The following ABCB5 variants were observed in gnomAD, a reference collection of about 807,000 sequenced individuals.
The protein encoded by ABCB5 is ATP binding cassette subfamily B member 5.
A neutral mutation model predicts 144.2 loss-of-function variants in ABCB5; 155 were observed. That is an observed-to-expected ratio of 1.08 (90% CI 0.94 to 1.23). The LOEUF is 1.23. Ranked by LOEUF, ABCB5 falls within the 50% of genes most tolerant of loss-of-function variation. The pLI, the probability that ABCB5 is intolerant of heterozygous loss-of-function variation, is 0.00. For synonymous variants in ABCB5, 610 were observed against 528.6 expected (o/e 1.15, Z -2.11); for missense variants, 1,830 against 1,520.8 (o/e 1.20, Z -3.38).
rs114616990 is a variant in ABCB5, at chr7:20,689,676, A to G, written c.2010+3840A>G. ...AAACTATGCAGGCAGAACAGAGGAG[A>G]AAAAAAACCATCCTGCAGGAGCTTT... On this transcript the variant is annotated intron_variant, in intron 16 of 27. Coordinates refer to ENST00000404938, the MANE Select transcript of ABCB5 (RefSeq NM_001163941.2). Among the ~76,000 whole-genome samples, 694 of 149,470 alleles carry G rather than the reference A, an allele frequency of 4.6e-3. 2 individuals carry two copies. Among genetic ancestry groups the G allele is most frequent in the African/African-American group, 0.017 (656 of 39,066 alleles).
At chr7:20,734,221 G>A (rs1405520813) in intron 23 of ABCB5, among the ~76,000 whole-genome samples, 1 of 151,692 alleles carries the variant, frequency 6.6e-6, no homozygotes, top group Non-Finnish European at 1.5e-5. Context: ...AGAAGACTCT[G>A]TACCTTCCAG....
At chr7:20,623,456 A>AT in intron 2 of ABCB5, 118 bp downstream of exon 2, 7 of 801,272 alleles carry the variant, frequency 8.7e-6, no homozygotes, top group South Asian at 1.6e-5. Flanking sequence ...CACTATTTGC[A>AT]TTTTGCTGAA....
At chr7:20,677,927 T>C (rs2128037819) in intron 14 of ABCB5, among the ~76,000 whole-genome samples, 1 of 152,278 alleles carries the variant, frequency 6.6e-6, no homozygotes, top group East Asian at 1.9e-4. Flanking sequence ...AATGAAAATG[T>C]AGAGCCTCTT....
intron 26 of ABCB5, among the ~76,000 whole-genome samples, chr7:20,746,072 A>G (rs565099930): frequency 6.6e-6 from 1 of 150,870 alleles, no homozygotes; most frequent in African/African-American, 2.4e-5. Flanking sequence ...GACCTCCCTT[A>G]GGTTGGCTTT....
chr7:20,746,837 G>A (rs772820751), intron 26 of ABCB5, among the ~76,000 whole-genome samples: 4 of 152,126 alleles, frequency 2.6e-5, no homozygotes, highest in Admixed American at 6.5e-5. Context: ...TCATGTAGGG[G>A]CGAATTTCTA....
At chr7:20,683,044 C>A (rs1371788875) in intron 15 of ABCB5, among the ~76,000 whole-genome samples, 5 of 152,080 alleles carry the variant, frequency 3.3e-5, no homozygotes, top group Non-Finnish European at 7.4e-5. Context: ...TGATTTCAAC[C>A]CTTTTTGGTC....
chr7:20,741,526 C>T (rs532255509), intron 24 of ABCB5, among the ~76,000 whole-genome samples: 2 of 151,798 alleles, frequency 1.3e-5, no homozygotes, highest in Admixed American at 6.6e-5. Flanking sequence ...CTAAAATAAA[C>T]GACTACTACA....
In ABCB5 at chr7:20,755,504, G is replaced by T. The variant is rs922563589; in HGVS notation, c.3654G>T (p.Gln1218His). The change falls in exon 28 of 28, where the codon CAG (glutamine) becomes CAT (histidine). Residue 1218 changes from glutamine (Q) to histidine (H), a missense_variant. Transcript: ENST00000404938. ...TCACTCACAGGCTCTCTGCAATTCA[G>T]AACGCAGATTTGATAGTGGTTCTGC... ...LVVTHRLSAI[Q>H]NADLIVVLHN... The T allele has an allele frequency of 1.2e-6, 2 of 1,614,034 alleles. No individual in the cohort carries two copies. The highest frequency in any genetic ancestry group is 2.7e-5 in the African/African-American group (2 of 74,902).
At chr7:20,708,071 C>G (rs960129350) in intron 20 of ABCB5, among the ~76,000 whole-genome samples, 28 of 152,158 alleles carry the variant, frequency 1.8e-4, no homozygotes, top group Non-Finnish European at 3.4e-4. Context: ...TCCCAAAGTG[C>G]TGGATTACAG....
intron 1 of ABCB5, among the ~76,000 whole-genome samples, chr7:20,621,043 G>C (rs575908715): frequency 1.9e-4 from 29 of 152,144 alleles, no homozygotes; most frequent in African/African-American, 6.7e-4. Context: ...CTATATATGT[G>C]CACCAGAATA....
chr7:20,683,805 T>G (rs1413020396), intron 15 of ABCB5, among the ~76,000 whole-genome samples: 1 of 152,216 alleles, frequency 6.6e-6, no homozygotes, highest in Non-Finnish European at 1.5e-5. Context: ...ATCTGCACAT[T>G]CTTATTTGCC....
intron 18 of ABCB5, 54 bp from the exon 19 acceptor site, chr7:20,700,004 C>T: frequency 6.3e-7 from 1 of 1,597,664 alleles, no homozygotes; most frequent in African/African-American, 1.3e-5. Flanking sequence ...AAAAATATAT[C>T]AACTAAATGT....
intron 23 of ABCB5, among the ~76,000 whole-genome samples, chr7:20,729,760 G>GCACAT (rs1782151152): frequency 6.6e-6 from 1 of 152,154 alleles, no homozygotes; most frequent in East Asian, 1.9e-4. Flanking sequence ...ACCAAAAAAT[G>GCACAT]CACATCCATG....
At chr7:20,687,422 T>C (rs1786039554) in intron 16 of ABCB5, among the ~76,000 whole-genome samples, 1 of 152,188 alleles carries the variant, frequency 6.6e-6, no homozygotes, top group Non-Finnish European at 1.5e-5. Flanking sequence ...AACAATAAAA[T>C]GTATCTAGGC....
At chr7:20,636,658 A>C (rs111343887) in intron 5 of ABCB5, among the ~76,000 whole-genome samples, 8,492 of 151,560 alleles carry the variant, frequency 0.056, 335 homozygotes, top group South Asian at 0.14. Context: ...GGTGGTGGGC[A>C]CCTGTAGTCC....
At chr7:20,736,079 A>C (rs1308779739) in intron 23 of ABCB5, among the ~76,000 whole-genome samples, 1 of 152,186 alleles carries the variant, frequency 6.6e-6, no homozygotes, top group African/African-American at 2.4e-5. Context: ...TTTAATGACT[A>C]CCTCTATGGG....
chr7:20,647,915 G>C, intron 10 of ABCB5, 53 bp from the exon 11 acceptor site: 2 of 1,223,360 alleles, frequency 1.6e-6, no homozygotes, highest in Non-Finnish European at 2.4e-6. Context: ...AAAATGTAGA[G>C]ACTGTCAGTT....
chr7:20,659,948 T>C, intron 14 of ABCB5: 3 of 983,094 alleles, frequency 3.1e-6, no homozygotes, highest in Non-Finnish European at 3.6e-6. Context: ...CCTCCCAAAG[T>C]GCTGGGATTA....
chr7:20,630,758 G>A (rs1385719515), intron 4 of ABCB5, among the ~76,000 whole-genome samples: 1 of 152,126 alleles, frequency 6.6e-6, no homozygotes, highest in Non-Finnish European at 1.5e-5. Context: ...TTGGGCGTAT[G>A]CTTTTTGTTA....
Sources: allele counts gnomAD v4.1 joint callset (sites outside exome capture counted in the v4.1 genomes callset), GRCh38; gene constraint gnomAD v4.1.1; transcripts MANE v1.5; gene names NCBI Gene and HGNC (gene_info 2026-07-23, HGNC 2026-07-21).